KLHL1: variants seen among roughly 807,000 people sequenced by gnomAD.
KLHL1 encodes the protein kelch-like protein 1.
KLHL1 carries 47 observed loss-of-function variants against 77.7 expected under a neutral mutation model. The ratio of observed to expected loss-of-function variants is 0.60; its 90% CI spans 0.48 to 0.77. The LOEUF is 0.77. KLHL1 is among the 30% of genes least tolerant of loss of function. KLHL1 has a pLI of 0.00. For synonymous variants in KLHL1, 360 were observed against 325.2 expected (o/e 1.11, Z -1.15); for missense variants, 925 against 910.8 (o/e 1.02, Z -0.20).
chr13:69,837,670 G>GTGTA lies in KLHL1; in HGVS notation c.1414+1305_1414+1306insTACA, dbSNP rs543681165. 4.8e-4 allele frequency among the ~76,000 whole-genome samples: 59 copies of GTGTA among 123,944 alleles called. 1 individual carries two copies. The highest frequency in any genetic ancestry group is 4.3e-3 in the Middle Eastern group (1 of 230). The allele number at this position is 123,944 out of a possible 152,430, so 81.3% of individuals were successfully genotyped here. ...TGTATATATATATGTGTGTGTGTGT[G>GTGTA]TATATATATATATATATACACATAT... On this transcript the variant is annotated intron_variant, in intron 6 of 10. Transcript: ENST00000377844.
intron 2 of KLHL1, among the ~76,000 whole-genome samples, chr13:69,973,304 T>C (rs956692117): frequency 4.6e-5 from 7 of 151,850 alleles, no homozygotes; most frequent in African/African-American, 1.7e-4. Context: ...GGCAATATGT[T>C]AACTAAAAAT....
intron 3 of KLHL1, among the ~76,000 whole-genome samples, chr13:69,956,743 A>C (rs376245447): frequency 1.3e-5 from 2 of 151,600 alleles, no homozygotes; most frequent in East Asian, 1.9e-4. Flanking sequence ...CTTTGAATAT[A>C]TAACTGTGTC....
At chr13:70,101,579 C>T (rs1887924623) in intron 1 of KLHL1, among the ~76,000 whole-genome samples, 1 of 152,128 alleles carries the variant, frequency 6.6e-6, no homozygotes, top group South Asian at 2.1e-4. Flanking sequence ...CAGGCACTTG[C>T]CACCACGCTT....
chr13:69,853,183 T>G (rs1260859995), intron 5 of KLHL1, among the ~76,000 whole-genome samples: 1 of 151,996 alleles, frequency 6.6e-6, no homozygotes, highest in Non-Finnish European at 1.5e-5. Flanking sequence ...AAATTTCATC[T>G]TGAATTGTAG....
At chr13:70,084,875 G>A (rs1381063499) in intron 1 of KLHL1, among the ~76,000 whole-genome samples, 1 of 151,842 alleles carries the variant, frequency 6.6e-6, no homozygotes, top group Non-Finnish European at 1.5e-5. Context: ...TATAATGAAT[G>A]TAATATTCTT....
intron 1 of KLHL1, among the ~76,000 whole-genome samples, chr13:70,076,401 T>TTA (rs1268146035): frequency 6.7e-6 from 1 of 149,456 alleles, no homozygotes. Context: ...TTTTTTTTTT[T>TTA]AATGGTTTTG....
chr13:69,907,778 T>A (rs958147211), intron 4 of KLHL1, among the ~76,000 whole-genome samples: 3 of 152,034 alleles, frequency 2.0e-5, no homozygotes, highest in African/African-American at 7.2e-5. Context: ...CTCAGATTTT[T>A]AAATAGGACA....
chr13:70,031,448 C>T lies in KLHL1; in HGVS notation c.498-55646G>A, dbSNP rs147127242. Among the ~76,000 whole-genome samples, 183 of 152,284 alleles carry T rather than the reference C, an allele frequency of 1.2e-3. 1 individual carries two copies. The highest frequency in any genetic ancestry group is 2.1e-3 in the Non-Finnish European group (146 of 68,020). On this transcript the variant is annotated intron_variant, in intron 1 of 10. Coordinates refer to ENST00000377844, the MANE Select transcript of KLHL1 (RefSeq NM_020866.3). ...ACTGAGATGCAGAGGTTAACAGTTACTCAAAATTTACATTAAATGTTAACT... is the reference window on the plus strand; with the variant it reads ...ACTGAGATGCAGAGGTTAACAGTTATTCAAAATTTACATTAAATGTTAACT...
chr13:69,868,732 T>C (rs1444439990), intron 5 of KLHL1, among the ~76,000 whole-genome samples: 1 of 152,146 alleles, frequency 6.6e-6, no homozygotes, highest in Non-Finnish European at 1.5e-5. Context: ...TTTTTTTGTT[T>C]GAAAGCTTGT....
chr13:69,921,847 GTAATAA>G lies in KLHL1; in HGVS notation c.1014+18187_1014+18192del, dbSNP rs1487284315. Among the ~76,000 whole-genome samples the G allele has an allele frequency of 7.3e-4, 110 of 151,166 alleles. 1 individual carries two copies. The highest frequency in any genetic ancestry group is 5.9e-5 in the Non-Finnish European group (4 of 67,844). Reference sequence around the variant, plus strand: ...AAGAACAAGGTTATACAAAAGCATAGTAATAATAAGCTTTCTGGGAGGCTAAGGGAT... The same window carrying G: ...AAGAACAAGGTTATACAAAAGCATAGTAAGCTTTCTGGGAGGCTAAGGGAT... On this transcript the variant is annotated intron_variant, in intron 4 of 10. Coordinates refer to ENST00000377844, the MANE Select transcript of KLHL1 (RefSeq NM_020866.3).
At chr13:69,718,182 T>G (rs759606810) in intron 9 of KLHL1, among the ~76,000 whole-genome samples, 17 of 152,088 alleles carry the variant, frequency 1.1e-4, no homozygotes, top group Non-Finnish European at 2.4e-4. Context: ...AAAGGAAAAT[T>G]TTTCTGCTGT....
chr13:69,815,796 T>C (rs1878096494), intron 6 of KLHL1, among the ~76,000 whole-genome samples: 1 of 151,990 alleles, frequency 6.6e-6, no homozygotes, highest in South Asian at 2.1e-4. Context: ...GAAAGATTTG[T>C]GAGGGAAAGC....
At chr13:69,852,518 T>A (rs1991078) in intron 5 of KLHL1, among the ~76,000 whole-genome samples, 2 of 151,782 alleles carry the variant, frequency 1.3e-5, no homozygotes, top group African/African-American at 4.8e-5. Flanking sequence ...TATCTTTAAC[T>A]AAAACCTTTT....
intron 1 of KLHL1, among the ~76,000 whole-genome samples, chr13:70,103,924 G>A (rs1052072190): frequency 2.0e-5 from 3 of 152,124 alleles, no homozygotes; most frequent in African/African-American, 7.2e-5. Context: ...ATTTAGAGAT[G>A]CAAATCTGTA....
chr13:69,936,115 G>A (rs1021076368), intron 4 of KLHL1, among the ~76,000 whole-genome samples: 2 of 152,154 alleles, frequency 1.3e-5, no homozygotes, highest in African/African-American at 2.4e-5. Context: ...ACTTGAACTA[G>A]AAACAGGGAG....
chr13:69,975,487 A>C, intron 2 of KLHL1, 133 bp downstream of exon 2: 1 of 768,024 alleles, frequency 1.3e-6, no homozygotes. Flanking sequence ...AAAACAAACA[A>C]CAACAACAAC....
intron 1 of KLHL1, among the ~76,000 whole-genome samples, chr13:70,000,201 T>C (rs540531610): frequency 6.6e-6 from 1 of 151,382 alleles, no homozygotes; most frequent in Non-Finnish European, 1.5e-5. Context: ...AGGCAAATTG[T>C]AACAAAATAA....
intron 5 of KLHL1, among the ~76,000 whole-genome samples, chr13:69,877,874 G>A (rs182202022): frequency 5.6e-4 from 85 of 152,030 alleles, no homozygotes; most frequent in African/African-American, 2.0e-3. Context: ...ATAACTTAAT[G>A]TGCTAATTTA....
chr13:69,870,803 G>A (rs1157018217), intron 5 of KLHL1, among the ~76,000 whole-genome samples: 2 of 151,982 alleles, frequency 1.3e-5, no homozygotes, highest in Admixed American at 6.6e-5. Context: ...ATCATCTCCT[G>A]TAACTCTATG....
Sources: allele counts gnomAD v4.1 joint callset (sites outside exome capture counted in the v4.1 genomes callset), GRCh38; gene constraint gnomAD v4.1.1; transcripts MANE v1.5; gene names NCBI Gene and HGNC (gene_info 2026-07-23, HGNC 2026-07-21).